Variants in KIF1B observed in about 807,000 individuals in gnomAD.
KIF1B encodes the protein kinesin family member 1B, also known as kinesin-like protein KIF1B.
Under a neutral mutation model 241.9 loss-of-function variants are expected in KIF1B, and 76 were observed. The ratio of observed to expected loss-of-function variants is 0.31; its 90% confidence interval spans 0.26 to 0.38. The LOEUF (loss-of-function observed/expected upper bound fraction) is 0.38. KIF1B is among the 10% of genes least tolerant of loss of function. The pLI is 1.00. For synonymous variants in KIF1B, 750 were observed against 796.7 expected, an observed-to-expected ratio of 0.94 and a Z score of 0.99; for missense variants, 1,622 against 2,271.4, an observed-to-expected ratio of 0.71 and a Z score of 5.81.
chr1:10,283,023 C>T (rs959261212), intron 15 of KIF1B, among the ~76,000 whole-genome samples: 15 of 151,536 alleles, frequency 9.9e-5, no homozygotes, highest in Non-Finnish European at 1.8e-4. Flanking sequence ...CTGGCTAACA[C>T]GGTGAGACCC....
At chr1:10,357,447 T>C (rs1005058176) in intron 38 of KIF1B, among the ~76,000 whole-genome samples, 2 of 152,184 alleles carry the variant, frequency 1.3e-5, no homozygotes, top group Non-Finnish European at 2.9e-5. Context: ...CAACCACCTC[T>C]CAAGAATTGC....
rs112901539 is a variant in KIF1B at position 10,271,769 on chromosome 1, T to C, written c.798+190T>C. ...AACCTAAAATAATTTGTGTCTGTCCTTCTACGGAAAAATTTTGCTGACTCC... is the reference window on the plus strand; with the variant it reads ...AACCTAAAATAATTTGTGTCTGTCCCTCTACGGAAAAATTTTGCTGACTCC... On this transcript the variant is annotated intron_variant, in intron 8 of 48. Transcript: ENST00000676179. Among the ~76,000 whole-genome samples, 7 of 152,344 alleles carry C rather than the reference T, an allele frequency of 4.6e-5. 2 individuals carry two copies. The highest frequency in any genetic ancestry group is 1.7e-4 in the African/African-American group (7 of 41,574).
At chr1:10,256,769 T>A (rs1647809915) in intron 3 of KIF1B, among the ~76,000 whole-genome samples, 1 of 151,714 alleles carries the variant, frequency 6.6e-6, no homozygotes, top group Admixed American at 6.6e-5. Context: ...TGGAGTACAG[T>A]GGTGCCATCT....
At chr1:10,328,363 T>C (rs1305100865) in intron 27 of KIF1B, among the ~76,000 whole-genome samples, 1 of 152,170 alleles carries the variant, frequency 6.6e-6, no homozygotes, top group African/African-American at 2.4e-5. Context: ...TATTAGACAG[T>C]CTCTGGGTTT....
chr1:10,228,413 A>G (rs1646937858), intron 1 of KIF1B, among the ~76,000 whole-genome samples: 1 of 152,202 alleles, frequency 6.6e-6, no homozygotes, highest in Admixed American at 6.5e-5. Context: ...GACTTTTAAA[A>G]ATCAATTTGC....
chr1:10,372,688 G>A (rs1158175515), intron 45 of KIF1B, among the ~76,000 whole-genome samples: 4 of 130,802 alleles, frequency 3.1e-5, no homozygotes, highest in South Asian at 5.5e-4. Flanking sequence ...GGCGCGCAGC[G>A]GCGCAATCTC....
At chr1:10,250,552 A>C (rs1475365265) in intron 2 of KIF1B, among the ~76,000 whole-genome samples, 2 of 152,136 alleles carry the variant, frequency 1.3e-5, no homozygotes, top group African/African-American at 4.8e-5. Context: ...TATGTTTAGA[A>C]TATTAAGCCA....
At chr1:10,271,237 A>T (rs757669739) in intron 7 of KIF1B, among the ~76,000 whole-genome samples, 7 of 151,734 alleles carry the variant, frequency 4.6e-5, no homozygotes, top group Non-Finnish European at 7.4e-5. Context: ...GCCAGGCTGG[A>T]GTGCAGCAGA....
chr1:10,351,492 A>G (rs1014432210), intron 37 of KIF1B, among the ~76,000 whole-genome samples: 1 of 152,218 alleles, frequency 6.6e-6, no homozygotes, highest in African/African-American at 2.4e-5. Flanking sequence ...CTCGCTTGAC[A>G]TATGAGGGAA....
chr1:10,296,036 G>C (rs759686943), intron 19 of KIF1B, among the ~76,000 whole-genome samples: 1 of 152,198 alleles, frequency 6.6e-6, no homozygotes, highest in Non-Finnish European at 1.5e-5. Flanking sequence ...TTATTTAATA[G>C]AAAAGTAAGA....
chr1:10,332,407 C>G (rs116572724), intron 27 of KIF1B, among the ~76,000 whole-genome samples: 3,059 of 150,162 alleles, frequency 0.02, 44 homozygotes, highest in Non-Finnish European at 0.031. Flanking sequence ...CTCCTCTAAT[C>G]TTAGAACTCA....
At chr1:10,344,859 C>A (rs540351242) in intron 34 of KIF1B, 59 of 152,282 alleles carry the variant, frequency 3.9e-4, no homozygotes, top group African/African-American at 1.3e-3. Context: ...GGTTAAGCAG[C>A]TTAACTAAAG....
rs1557731851 is a variant in KIF1B, at chr1:10,352,711, C to T, written c.4030C>T (p.Leu1344=). 12 of 1,613,890 alleles carry T rather than the reference C, an allele frequency of 7.4e-6. No individual in the cohort carries two copies. The highest frequency in any genetic ancestry group is 1.0e-5 in the Non-Finnish European group (12 of 1,179,846). ...CCTAAATATTATTTCTGCCAAGTAC[C>T]TGAAGTCTTCCCACAACTCTAGCAG... is the stretch of plus-strand genomic sequence containing the variant. ...LSLNIISAKY[L]KSSHNSSRTF... Residue 1344 remains leucine (L), a synonymous_variant, in exon 38 of 49, where the codon CTG becomes TTG. Transcript: ENST00000676179.
intron 10 of KIF1B, chr1:10,275,020 C>A: frequency 3.1e-6 from 1 of 319,402 alleles, no homozygotes; most frequent in South Asian, 2.6e-5. Context: ...AGAGAATGTT[C>A]TTATATGCTG....
At chr1:10,287,198 C>A (rs555604033) in intron 15 of KIF1B, among the ~76,000 whole-genome samples, 1 of 152,272 alleles carries the variant, frequency 6.6e-6, no homozygotes, top group South Asian at 2.1e-4. Flanking sequence ...TAGCTCTAGA[C>A]CTGTCTCAGT....
intron 32 of KIF1B, among the ~76,000 whole-genome samples, chr1:10,340,865 C>G (rs1011050933): frequency 6.6e-6 from 1 of 152,198 alleles, no homozygotes; most frequent in African/African-American, 2.4e-5. Context: ...AGAAATTTAG[C>G]TCTGGTATTC....
Position 10,212,834 on chromosome 1 carries a change from C to A in KIF1B, c.-80+1956C>A, listed in dbSNP as rs573664625. ...GAGGCTAGCCTGGGCAACAGCAAGA[C>A]CCTGGCTAAAAAAAAAAATGTGTAT... On this transcript the variant is annotated intron_variant, in intron 1 of 48. Transcript: ENST00000676179. 4.8e-5 allele frequency among the ~76,000 whole-genome samples: 7 copies of A among 147,096 alleles called. No homozygotes were observed. The South Asian group carries it at 6.4e-4, about 13-fold the overall frequency.
chr1:10,238,634 G>A (rs769752700), intron 2 of KIF1B, among the ~76,000 whole-genome samples: 2 of 151,942 alleles, frequency 1.3e-5, no homozygotes, highest in Non-Finnish European at 2.9e-5. Flanking sequence ...GAGCCTGGGA[G>A]GTGGAGGTTG....
chr1:10,328,285 A>G (rs1012573490), intron 27 of KIF1B, among the ~76,000 whole-genome samples: 6 of 152,254 alleles, frequency 3.9e-5, no homozygotes, highest in African/African-American at 1.4e-4. Flanking sequence ...GATCATTCTT[A>G]TGGAAAGGGG....
Sources: gnomAD v4.1 joint callset for allele counts (sites outside exome capture counted in the v4.1 genomes callset) on GRCh38, gnomAD v4.1.1 for gene constraint, MANE v1.5 for transcripts, NCBI Gene and HGNC (gene_info 2026-07-23, HGNC 2026-07-21) for gene names.